Variants in DCC observed in about 807,000 individuals in gnomAD.
DCC encodes netrin receptor DCC.
A neutral mutation model predicts 172.5 loss-of-function variants in DCC; 58 were observed. That is an observed-to-expected ratio of 0.34 (90% CI 0.27 to 0.42). DCC has a LOEUF of 0.42. Among genes scored for constraint, DCC ranks in the 10% least tolerant of loss-of-function variants. DCC has a pLI of 1.00. For missense variants in DCC, 1,740 were observed against 1,791.0 expected (o/e 0.97, Z 0.51); for synonymous variants, 709 against 644.5 (o/e 1.10, Z -1.52).
At chr18:53,156,924 G>C (rs1568336009) in intron 7 of DCC, among the ~76,000 whole-genome samples, 1 of 152,104 alleles carries the variant, frequency 6.6e-6, no homozygotes, top group Non-Finnish European at 1.5e-5. Context: ...TTTTACCAAA[G>C]ACATTTTCTA....
At chr18:52,374,503 G>C (rs1468016113) in intron 1 of DCC, among the ~76,000 whole-genome samples, 1 of 151,080 alleles carries the variant, frequency 6.6e-6, no homozygotes, top group African/African-American at 2.4e-5. Flanking sequence ...AGCTATAAAT[G>C]CTATATATAT....
chr18:53,258,199 G>A (rs2056547217), intron 12 of DCC, among the ~76,000 whole-genome samples: 1 of 152,024 alleles, frequency 6.6e-6, no homozygotes. Context: ...GGTTTTTTGT[G>A]TCTCTATTTC....
rs370247908 is a variant in DCC, at chr18:52,548,481, A to AT, written c.92-203572dup. On this transcript the variant is annotated intron_variant, in intron 1 of 28. Transcript: ENST00000442544. ...GTCACCCTAATTAGTCAACGTTAGC[A>AT]TCTCAAGTAGGCAACAAGCGTCCAC... Among the ~76,000 whole-genome samples the AT allele has an allele frequency of 2.6e-3, 403 of 152,188 alleles. 5 individuals are homozygous for AT. Among genetic ancestry groups the AT allele is most frequent in the South Asian group, 0.015 (72 of 4,830 alleles).
intron 7 of DCC, among the ~76,000 whole-genome samples, chr18:53,155,006 A>G (rs2054706400): frequency 6.6e-6 from 1 of 152,186 alleles, no homozygotes. Context: ...CCATTTATTT[A>G]AAATACTGTA....
At chr18:52,849,093 C>CTGTG (rs149378500) in intron 2 of DCC, among the ~76,000 whole-genome samples, 2,031 of 150,358 alleles carry the variant, frequency 0.014, 38 homozygotes, top group African/African-American at 0.046. Flanking sequence ...TCAACCTACT[C>CTGTG]TGTGTGTGTG....
At chr18:53,267,191 G>T (rs563240646) in intron 12 of DCC, among the ~76,000 whole-genome samples, 1 of 151,622 alleles carries the variant, frequency 6.6e-6, no homozygotes, top group Non-Finnish European at 1.5e-5. Flanking sequence ...CAGAGACAGA[G>T]ACAGACATAG....
intron 21 of DCC, among the ~76,000 whole-genome samples, chr18:53,427,918 ATAATAT>A (rs1911101413): frequency 7.5e-5 from 3 of 39,952 alleles, no homozygotes; most frequent in Non-Finnish European, 1.9e-4. Context: ...ATATAATAAT[ATAATAT>A]ATAATATAAT....
chr18:53,054,463 T>C (rs2042376839), intron 5 of DCC, among the ~76,000 whole-genome samples: 1 of 152,094 alleles, frequency 6.6e-6, no homozygotes, highest in South Asian at 2.1e-4. Flanking sequence ...TTCCAGCCAC[T>C]ATATTAACAA....
At chr18:53,143,543 G>A (rs1007789531) in intron 7 of DCC, among the ~76,000 whole-genome samples, 1 of 152,128 alleles carries the variant, frequency 6.6e-6, no homozygotes, top group Non-Finnish European at 1.5e-5. Context: ...TTCATCTTGA[G>A]GATTTTTGTC....
intron 2 of DCC, 145 bp from the exon 3 acceptor site, chr18:52,905,899 A>G: frequency 1.4e-6 from 1 of 696,154 alleles, no homozygotes; most frequent in Admixed American, 2.1e-5. Flanking sequence ...AAATGTGGTA[A>G]AGTGTGAAGA....
chr18:52,764,956 C>G (rs2037220328), intron 2 of DCC, among the ~76,000 whole-genome samples: 1 of 152,118 alleles, frequency 6.6e-6, no homozygotes, highest in African/African-American at 2.4e-5. Flanking sequence ...AATGAGAACT[C>G]TTTCTGGTGG....
At chr18:53,089,077 T>TG (rs1555709329) in intron 7 of DCC, among the ~76,000 whole-genome samples, 1 of 152,134 alleles carries the variant, frequency 6.6e-6, no homozygotes, top group African/African-American at 2.4e-5. Context: ...TACTCACTTT[T>TG]TTGTTGTTGT....
At position 53,370,630 on chromosome 18, in the gene DCC, GT is replaced by G. The variant is rs369640847; in HGVS notation, c.2360-15412del. Among the ~76,000 whole-genome samples, 140 of 151,882 alleles carry G rather than the reference GT, an allele frequency of 9.2e-4. 1 individual carries two copies. The highest frequency in any genetic ancestry group is 3.0e-3 in the African/African-American group (124 of 41,514). Reference sequence around the variant, plus strand: ...TTCTAATTTCCTTTGTTGTTTAAGAGTGTATTGTGTTATTTAATTTCCATAC... The same window carrying G: ...TTCTAATTTCCTTTGTTGTTTAAGAGGTATTGTGTTATTTAATTTCCATAC... On this transcript the variant is annotated intron_variant, in intron 15 of 28. Coordinates refer to ENST00000442544, the MANE Select transcript of DCC (RefSeq NM_005215.4).
At chr18:53,402,689 G>C in intron 18 of DCC, 97 bp from the exon 19 acceptor site, 1 of 912,428 alleles carries the variant, frequency 1.1e-6, no homozygotes, top group Non-Finnish European at 1.9e-6. Flanking sequence ...TATACTTCTT[G>C]ATAGATTCTG....
In DCC at chr18:53,512,121, G is replaced by A. The variant is rs899360707; in HGVS notation, c.4111+12611G>A. Among the ~76,000 whole-genome samples the A allele has an allele frequency of 3.3e-5, 5 of 152,222 alleles. No individual in the cohort carries two copies. In the South Asian group the frequency reaches 8.3e-4, roughly 25 times the overall value. On this transcript the variant is annotated intron_variant, in intron 27 of 28. Transcript: ENST00000442544. ...AGCACGCAGCTGGAGATCTGAGAAC[G>A]TGCAGACTGCCTCCTCAAGTGGATC...
chr18:52,962,089 A>G (rs2040851513), intron 5 of DCC, among the ~76,000 whole-genome samples: 1 of 150,996 alleles, frequency 6.6e-6, no homozygotes, highest in South Asian at 2.1e-4. Context: ...AATGGCAACA[A>G]AAGCCAAAAT....
intron 1 of DCC, among the ~76,000 whole-genome samples, chr18:52,482,791 C>T (rs1407272685): frequency 1.3e-5 from 2 of 152,214 alleles, no homozygotes; most frequent in Non-Finnish European, 2.9e-5. Context: ...TAACTTGCTG[C>T]AGTTATTTTG....
At chr18:52,649,201 G>A (rs923466469) in intron 1 of DCC, among the ~76,000 whole-genome samples, 1 of 151,998 alleles carries the variant, frequency 6.6e-6, no homozygotes, top group Non-Finnish European at 1.5e-5. Flanking sequence ...GTAAAACCCC[G>A]TCTCTACTAA....
At chr18:52,610,219 A>C in intron 1 of DCC, among the ~76,000 whole-genome samples, 1 of 89,138 alleles carries the variant, frequency 1.1e-5, no homozygotes, top group African/African-American at 4.7e-5. Context: ...ATATATATAT[A>C]TATATATAAA....
Sources: gnomAD v4.1 joint callset for allele counts (sites outside exome capture counted in the v4.1 genomes callset) on GRCh38, gnomAD v4.1.1 for gene constraint, MANE v1.5 for transcripts, NCBI Gene and HGNC (gene_info 2026-07-23, HGNC 2026-07-21) for gene names.